The following UMAD1 variants were observed in gnomAD, a reference collection of about 807,000 sequenced individuals.
The protein encoded by UMAD1 is UBAP1-MVB12-associated (UMA)-domain containing protein 1.
Under a neutral mutation model 6.1 loss-of-function variants are expected in UMAD1, and 8 were observed. The observed-to-expected ratio is 1.30, with a 90% confidence interval of 0.76 to 2.35. The LOEUF (loss-of-function observed/expected upper bound fraction) is 2.35. Ranked by LOEUF, UMAD1 falls within the 30% of genes most tolerant of loss-of-function variation. The pLI, the probability that UMAD1 is intolerant of heterozygous loss-of-function variation, is 0.00. For synonymous variants in UMAD1, 56 were observed against 31.4 expected, an observed-to-expected ratio of 1.78 and a Z score of -2.61; for missense variants, 130 against 78.4, an observed-to-expected ratio of 1.66 and a Z score of -2.49.
At chr7:7,839,246 T>TCTGGCAGGTG (rs1783629324) in intron 3 of UMAD1, among the ~76,000 whole-genome samples, 1 of 152,108 alleles carries the variant, frequency 6.6e-6, no homozygotes, top group Admixed American at 6.6e-5. Flanking sequence ...TCTTGCTCTG[T>TCTGGCAGGTG]CATCACCCGT....
intron 2 of UMAD1, among the ~76,000 whole-genome samples, chr7:7,717,052 C>CT (rs1244646824): frequency 1.4e-5 from 2 of 147,308 alleles, no homozygotes; most frequent in African/African-American, 2.6e-5. Flanking sequence ...TTCTTTCTTT[C>CT]TTTTTTTCTT....
In UMAD1 at chr7:7,709,224, T is replaced by C. The variant is rs553750931; in HGVS notation, c.82+35771T>C. Among the ~76,000 whole-genome samples, 9 of 152,336 alleles carry C rather than the reference T, an allele frequency of 5.9e-5. 1 individual carries two copies. Among genetic ancestry groups the C allele is most frequent in the African/African-American group, 2.2e-4 (9 of 41,582 alleles). ...TGTGCTGAGATTTATCTCAATTATA[T>C]GTGTGAATAATGTTATGCATGGGGT... On this transcript the variant is annotated intron_variant, in intron 2 of 3. Coordinates refer to ENST00000682710, the MANE Select transcript of UMAD1 (RefSeq NM_001302348.2).
chr7:7,711,513 A>G (rs1040367188), intron 2 of UMAD1, among the ~76,000 whole-genome samples: 10 of 152,190 alleles, frequency 6.6e-5, no homozygotes, highest in Non-Finnish European at 1.5e-4. Flanking sequence ...CCTTTTTAAC[A>G]TGTAATACTG....
At chr7:7,703,831 A>G (rs1780527652) in intron 2 of UMAD1, among the ~76,000 whole-genome samples, 1 of 152,016 alleles carries the variant, frequency 6.6e-6, no homozygotes, top group African/African-American at 2.4e-5. Context: ...AGTCCCAGCT[A>G]TTTGGGAGGC....
At chr7:7,768,850 T>C (rs1427896215) in intron 2 of UMAD1, among the ~76,000 whole-genome samples, 2 of 152,240 alleles carry the variant, frequency 1.3e-5, no homozygotes, top group African/African-American at 4.8e-5. Context: ...AAGCGTCTTA[T>C]GTTATTCATC....
intron 2 of UMAD1, among the ~76,000 whole-genome samples, chr7:7,692,080 C>T (rs994538077): frequency 6.6e-6 from 1 of 152,150 alleles, no homozygotes; most frequent in Non-Finnish European, 1.5e-5. Context: ...AGCTATTCCT[C>T]TTTACCCCTG....
chr7:7,753,298 AT>A (rs1427761637), intron 2 of UMAD1, among the ~76,000 whole-genome samples: 1 of 152,156 alleles, frequency 6.6e-6, no homozygotes, highest in Non-Finnish European at 1.5e-5. Context: ...CTCTTTAGTT[AT>A]TTTAAAATTT....
chr7:7,737,844 A>G (rs1475292523), intron 2 of UMAD1, among the ~76,000 whole-genome samples: 3 of 152,136 alleles, frequency 2.0e-5, no homozygotes, highest in Non-Finnish European at 4.4e-5. Flanking sequence ...TGGTAGTTAA[A>G]CTTTTATTAG....
At chr7:7,777,516 A>AG (rs1782236596) in intron 2 of UMAD1, among the ~76,000 whole-genome samples, 1 of 116,794 alleles carries the variant, frequency 8.6e-6, no homozygotes, top group Admixed American at 8.1e-5. Context: ...AAAAAAAAAA[A>AG]AAAAAAAGAA....
chr7:7,714,908 G>C (rs1401861964), intron 2 of UMAD1, among the ~76,000 whole-genome samples: 3 of 132,272 alleles, frequency 2.3e-5, no homozygotes, highest in African/African-American at 8.6e-5. Context: ...GTTGTACCAT[G>C]TGGTTGAACT....
chr7:7,822,632 G>A (rs1783262488), intron 3 of UMAD1, among the ~76,000 whole-genome samples: 1 of 152,062 alleles, frequency 6.6e-6, no homozygotes, highest in African/African-American at 2.4e-5. Flanking sequence ...ATGAGGAAAG[G>A]GTTCTGGAAG....
intron 2 of UMAD1, chr7:7,676,085 TCTTC>T: frequency 2.5e-6 from 1 of 398,636 alleles, no homozygotes. Flanking sequence ...ATTCATCCCC[TCTTC>T]CTTCTTCCGC....
intron 3 of UMAD1, 70 bp from the exon 4 acceptor site, chr7:7,877,211 A>G (rs1784435067): frequency 1.9e-5 from 13 of 668,250 alleles, no homozygotes; most frequent in East Asian, 5.5e-5. Context: ...TGATGTATTA[A>G]TGCCACATTT....
At chr7:7,843,824 G>T (rs1239949175) in intron 3 of UMAD1, among the ~76,000 whole-genome samples, 6 of 152,128 alleles carry the variant, frequency 3.9e-5, no homozygotes, top group Admixed American at 3.9e-4. Context: ...ACATGCCCCA[G>T]GCCAAGTAAT....
intron 2 of UMAD1, among the ~76,000 whole-genome samples, chr7:7,686,671 A>T (rs1347074994): frequency 6.6e-6 from 1 of 152,190 alleles, no homozygotes; most frequent in Non-Finnish European, 1.5e-5. Flanking sequence ...CTGATAATTT[A>T]ACCTTTTAAA....
chr7:7,658,915 G>A (rs749425904), intron 1 of UMAD1, among the ~76,000 whole-genome samples: 25 of 152,122 alleles, frequency 1.6e-4, no homozygotes, highest in Non-Finnish European at 2.6e-4. Flanking sequence ...GTAGAATTTG[G>A]CTGTGAATCC....
At position 7,706,657 on chromosome 7, in the gene UMAD1, C is replaced by G. The variant is rs28912697; in HGVS notation, c.82+33204C>G. On this transcript the variant is annotated intron_variant, in intron 2 of 3. Transcript: ENST00000682710. Reference sequence around the variant, plus strand: ...ATAATAACTCATTTACATAAGAACTCTAAGAACTTAGTACTATTATTTCTA... The same window carrying G: ...ATAATAACTCATTTACATAAGAACTGTAAGAACTTAGTACTATTATTTCTA... Among the ~76,000 whole-genome samples, 31 of 152,188 alleles carry G rather than the reference C, an allele frequency of 2.0e-4. No homozygotes were observed. The East Asian group carries it at 5.6e-3, about 28-fold the overall frequency.
At chr7:7,847,166 A>G in intron 3 of UMAD1, among the ~76,000 whole-genome samples, 1 of 117,712 alleles carries the variant, frequency 8.5e-6, no homozygotes, top group African/African-American at 3.3e-5. Flanking sequence ...TGATCATAAT[A>G]ATTGTTTTAA....
Position 7,673,397 on chromosome 7 carries a change from C to T in UMAD1, c.26C>T (p.Pro9Leu), listed in dbSNP as rs994172235. The change falls in exon 2 of 4, where the codon CCG becomes CTG. Residue 9 changes from proline (P) to leucine (L), a missense_variant. Pro to Leu is a moderately conservative substitution (Grantham distance 98). Coordinates refer to ENST00000682710, the MANE Select transcript of UMAD1 (RefSeq NM_001302348.2). The part of the protein sequence containing the change: MFHFFRKP[P>L]ESKKPSVPET... ...ATGTTTCACTTCTTCAGAAAGCCTC[C>T]GGAATCTAAAAAGCCCTCAGTACCA... The T allele has an allele frequency of 1.2e-5, 14 of 1,178,112 alleles. No homozygotes were observed. The highest frequency in any genetic ancestry group is 5.9e-5 in the Admixed American group (3 of 50,512). 73.0% of individuals were successfully genotyped at this position (1,178,112 alleles called of 1,614,324 possible).
Sources: gnomAD v4.1 joint callset for allele counts (sites outside exome capture counted in the v4.1 genomes callset) on GRCh38, gnomAD v4.1.1 for gene constraint, MANE v1.5 for transcripts, NCBI Gene and HGNC (gene_info 2026-07-23, HGNC 2026-07-21) for gene names.